TBXAS1: variants seen among roughly 807,000 people sequenced by gnomAD.
TBXAS1 encodes the protein thromboxane-A synthase.
Under a neutral mutation model 60.7 loss-of-function variants are expected in TBXAS1, and 48 were observed. That is an observed-to-expected ratio of 0.79 (90% CI 0.63 to 1.01). TBXAS1 has a LOEUF of 1.01. TBXAS1 is among the 50% of genes least tolerant of loss of function. TBXAS1 has a pLI of 0.00. For synonymous variants in TBXAS1, 287 were observed against 269.7 expected, an observed-to-expected ratio of 1.06 and a Z score of -0.63; for missense variants, 685 against 686.3, an observed-to-expected ratio of 1.00 and a Z score of 0.02.
intron 3 of TBXAS1, among the ~76,000 whole-genome samples, chr7:139,898,413 CTTTTTTTTTTTTTTTTTT>C (rs71170921): frequency 1.2e-5 from 1 of 82,222 alleles, no homozygotes; most frequent in Non-Finnish European, 2.2e-5. Context: ...ACGTGCATGG[CTTTTTTTTTTTTTTTTTT>C]TTTTTTTTTT....
intron 10 of TBXAS1, among the ~76,000 whole-genome samples, chr7:140,010,758 C>A (rs1010388416): frequency 6.6e-6 from 1 of 152,092 alleles, no homozygotes; most frequent in Non-Finnish European, 1.5e-5. Context: ...ATGAAAGGCT[C>A]ATAACAGAGA....
chr7:139,890,976 C>T (rs1803559210), intron 3 of TBXAS1, among the ~76,000 whole-genome samples: 1 of 151,816 alleles, frequency 6.6e-6, no homozygotes, highest in Non-Finnish European at 1.5e-5. Flanking sequence ...AATAGTACTG[C>T]CGTAGATCTC....
Position 139,859,425 on chromosome 7 carries a change from C to T in TBXAS1, c.90-12810C>T, listed in dbSNP as rs1435094768. Among the ~76,000 whole-genome samples, 4 of 151,578 alleles carry T rather than the reference C, an allele frequency of 2.6e-5. No individual in the cohort carries two copies. The East Asian group carries it at 7.8e-4, about 29-fold the overall frequency. ...GTTTCACTGTGTTAGCCAGGATGGTCTCAATCTTCTTACCTCGTGATCCGC... is the reference window on the plus strand; with the variant it reads ...GTTTCACTGTGTTAGCCAGGATGGTTTCAATCTTCTTACCTCGTGATCCGC... On this transcript the variant is annotated intron_variant, in intron 1 of 12. Coordinates refer to ENST00000448866, the MANE Select transcript of TBXAS1 (RefSeq NM_001061.7).
intron 1 of TBXAS1, among the ~76,000 whole-genome samples, chr7:139,843,844 G>A (rs1194961036): frequency 6.6e-6 from 1 of 152,222 alleles, no homozygotes; most frequent in Non-Finnish European, 1.5e-5. Flanking sequence ...GTGTGTGTGT[G>A]TGCATGCCTG....
chr7:139,916,541 C>T lies in TBXAS1; in HGVS notation c.333+5220C>T, dbSNP rs535399875. 1.3e-5 allele frequency among the ~76,000 whole-genome samples: 2 copies of T among 152,308 alleles called. No individual in the cohort carries two copies. Among genetic ancestry groups the T allele is most frequent in the East Asian group, 3.9e-4 (2 of 5,188 alleles). ...TGGTTTTATCCCGAACCATCAATACCCGGCACCCTGGCTGCCCCAGGTTCA... is the reference window on the plus strand; with the variant it reads ...TGGTTTTATCCCGAACCATCAATACTCGGCACCCTGGCTGCCCCAGGTTCA... On this transcript the variant is annotated intron_variant, in intron 4 of 12. Transcript: ENST00000448866. The surrounding 1 kb of genome is among the most constrained non-coding windows in gnomAD (Gnocchi z 4.2).
At chr7:139,952,175 C>T (rs1172625335) in intron 5 of TBXAS1, among the ~76,000 whole-genome samples, 2 of 152,224 alleles carry the variant, frequency 1.3e-5, no homozygotes, top group South Asian at 2.1e-4. Flanking sequence ...TCAGATTTTG[C>T]CTCAGTACAA....
chr7:139,901,349 G>A (rs1307297761), intron 3 of TBXAS1, among the ~76,000 whole-genome samples: 1 of 150,904 alleles, frequency 6.6e-6, no homozygotes, highest in Non-Finnish European at 1.5e-5. Context: ...AAAGAAGCAG[G>A]AAGACTCCCA....
chr7:139,985,819 G>C (rs965450517), intron 9 of TBXAS1, among the ~76,000 whole-genome samples: 2 of 152,196 alleles, frequency 1.3e-5, no homozygotes, highest in Non-Finnish European at 2.9e-5. Flanking sequence ...GGAATGAATG[G>C]GTGGACGGCG....
intron 5 of TBXAS1, among the ~76,000 whole-genome samples, chr7:139,941,366 A>G (rs1240330711): frequency 1.3e-5 from 2 of 152,202 alleles, no homozygotes; most frequent in Non-Finnish European, 2.9e-5. Flanking sequence ...CTCAGTCAAC[A>G]ATGCTTGAAA....
chr7:139,779,495 A>G (rs1406843926), intron 1 of TBXAS1, among the ~76,000 whole-genome samples: 1 of 152,220 alleles, frequency 6.6e-6, no homozygotes, highest in Non-Finnish European at 1.5e-5. Context: ...TTTAGAGTTG[A>G]AGAAATGGAG....
rs980083225 is a variant in TBXAS1, at chr7:139,916,310, G to A, written c.333+4989G>A. On this transcript the variant is annotated intron_variant, in intron 4 of 12. Coordinates refer to ENST00000448866, the MANE Select transcript of TBXAS1 (RefSeq NM_001061.7). The surrounding 1 kb of genome is among the most constrained non-coding windows in gnomAD (Gnocchi z 4.2). ...GCCAGTCTTTGGCCCATGTTAGCTT[G>A]GTCTGGTCAGATAGGCATGTCAGGG... 3.8e-4 allele frequency among the ~76,000 whole-genome samples: 58 copies of A among 152,274 alleles called. No homozygotes were observed. Among genetic ancestry groups the A allele is most frequent in the African/African-American group, 1.3e-3 (53 of 41,548 alleles).
intron 4 of TBXAS1, among the ~76,000 whole-genome samples, chr7:139,805,062 A>G (rs1474470615): frequency 6.6e-6 from 1 of 152,260 alleles, no homozygotes; most frequent in Non-Finnish European, 1.5e-5. Context: ...GGAATGAGAT[A>G]AGTTCAGTGA....
intron 3 of TBXAS1, among the ~76,000 whole-genome samples, chr7:139,895,345 A>G (rs537106297): frequency 1.3e-5 from 2 of 152,346 alleles, no homozygotes; most frequent in African/African-American, 2.4e-5. Context: ...ACCCTTGCTA[A>G]TGGCCTGTAA....
intron 4 of TBXAS1, among the ~76,000 whole-genome samples, chr7:139,935,570 T>C (rs1807686798): frequency 6.6e-6 from 1 of 152,158 alleles, no homozygotes; most frequent in South Asian, 2.1e-4. Context: ...CATAACACAG[T>C]ATTAGGCTAT....
At chr7:139,929,277 G>A (rs942564125) in intron 4 of TBXAS1, among the ~76,000 whole-genome samples, 1 of 152,242 alleles carries the variant, frequency 6.6e-6, no homozygotes, top group African/African-American at 2.4e-5. Flanking sequence ...GGACAAGGGA[G>A]GGGAAGGGGT....
rs3823717 is a variant in TBXAS1, at chr7:139,957,422, T to C, written c.689-212T>C. Among the ~76,000 whole-genome samples, 55,625 of 151,876 alleles carry C rather than the reference T, an allele frequency of 0.37. 10,601 individuals are homozygous for C. The highest frequency in any genetic ancestry group is 0.4 in the Non-Finnish European group (27,391 of 67,906). On this transcript the variant is annotated intron_variant, in intron 7 of 12. Coordinates refer to ENST00000448866, the MANE Select transcript of TBXAS1 (RefSeq NM_001061.7). ...ACTCGATTAATTGCACAGATGTTTA[T>C]TGAGTGCTTACTATGTGCCAGGAAT...
At chr7:139,827,019 C>T (rs1320683659), upstream of TBXAS1, among the ~76,000 whole-genome samples, 2 of 152,096 alleles carry the variant, frequency 1.3e-5, no homozygotes, top group Non-Finnish European at 2.9e-5. Flanking sequence ...TTCATATGCA[C>T]CCCACCAGGA....
chr7:139,948,172 G>C (rs562005466), intron 5 of TBXAS1, among the ~76,000 whole-genome samples: 7 of 152,292 alleles, frequency 4.6e-5, no homozygotes, highest in African/African-American at 1.7e-4. Flanking sequence ...GCCCAGACAT[G>C]TATTTTCTCA....
chr7:139,992,417 G>A (rs1218367211), intron 9 of TBXAS1, among the ~76,000 whole-genome samples: 1 of 152,180 alleles, frequency 6.6e-6, no homozygotes, highest in East Asian at 1.9e-4. Context: ...CAGAGGGGAG[G>A]GCCACTCTCT....
Sources: gnomAD v4.1 joint callset for allele counts (sites outside exome capture counted in the v4.1 genomes callset) on GRCh38, gnomAD v4.1.1 for gene constraint, Gnocchi (gnomAD v3.1) non-coding constraint, MANE v1.5 for transcripts, NCBI Gene and HGNC (gene_info 2026-07-23, HGNC 2026-07-21) for gene names.